Variants in ZNF138 observed in about 807,000 individuals in gnomAD.
ZNF138 encodes zinc finger protein 138.
ZNF138 carries 33 observed loss-of-function variants against 33.0 expected under a neutral mutation model. The ratio of observed to expected loss-of-function variants is 1.00; its 90% CI spans 0.76 to 1.34. ZNF138 has a LOEUF of 1.34. Among genes scored for constraint, ZNF138 ranks in the 40% most tolerant of loss-of-function variants. The probability of loss-of-function intolerance (pLI) is 0.00; values close to 1 mark genes in which losing one functional copy is unlikely to be tolerated. For synonymous variants in ZNF138, 139 were observed against 120.4 expected (o/e 1.15, Z -1.01); for missense variants, 360 against 370.8 (o/e 0.97, Z 0.24).
At chr7:64,809,315 A>AC (rs1306049663) in intron 1 of ZNF138, among the ~76,000 whole-genome samples, 1 of 1,962 alleles carries the variant, frequency 5.1e-4, no homozygotes, top group African/African-American at 1.1e-3. Context: ...CGGGGGGCTG[A>AC]CCCCCCCCCA....
the ZNF138 span, among the ~76,000 whole-genome samples, chr7:64,851,595 G>T: frequency 2.0e-5 from 3 of 151,966 alleles, no homozygotes; most frequent in Non-Finnish European, 4.4e-5. Context: ...AAAATTATTT[G>T]CGTAATTATA....
At chr7:64,819,905 A>AC (rs1261186294) in intron 3 of ZNF138, among the ~76,000 whole-genome samples, 2 of 149,658 alleles carry the variant, frequency 1.3e-5, no homozygotes, top group Non-Finnish European at 3.0e-5. Flanking sequence ...ATTCAACTAC[A>AC]AATTTTTTTT....
intron 1 of ZNF138, among the ~76,000 whole-genome samples, chr7:64,802,905 CTT>C (rs1562888115): frequency 6.6e-6 from 1 of 151,086 alleles, no homozygotes; most frequent in Non-Finnish European, 1.5e-5. Context: ...CTCGTTTTGT[CTT>C]GTCTTATGTT....
At chr7:64,802,658 T>C (rs1258564386) in intron 1 of ZNF138, among the ~76,000 whole-genome samples, 2 of 152,058 alleles carry the variant, frequency 1.3e-5, no homozygotes, top group Non-Finnish European at 2.9e-5. Context: ...AACAATTAGA[T>C]AGAAATTTGG....
At chr7:64,817,290 G>A (rs1458483315) in intron 3 of ZNF138, among the ~76,000 whole-genome samples, 1 of 152,212 alleles carries the variant, frequency 6.6e-6, no homozygotes, top group Non-Finnish European at 1.5e-5. Flanking sequence ...GGAAGAGCAG[G>A]ACCTCTCCCA....
rs1210861733 is a variant in ZNF138 at position 64,827,096 on chromosome 7, G to T, written c.209-4355G>T. ...TGGTGTCCATCATTTTTCAGCATAA[G>T]GGACTCATTTTAGCATTTTTTTTTT... is the stretch of plus-strand genomic sequence containing the variant. On this transcript the variant is annotated intron_variant, in intron 3 of 3. Transcript: ENST00000307355. Among the ~76,000 whole-genome samples the T allele has an allele frequency of 4.7e-5, 6 of 128,554 alleles. No individual in the cohort carries two copies. In the East Asian group the frequency reaches 1.5e-3, roughly 32 times the overall value. The allele number at this position is 128,554 out of a possible 152,430, so 84.3% of individuals were successfully genotyped here.
the ZNF138 span, among the ~76,000 whole-genome samples, chr7:64,843,340 A>G: frequency 5.3e-5 from 8 of 152,148 alleles, no homozygotes; most frequent in Non-Finnish European, 7.4e-5. Flanking sequence ...AAATTGCTGT[A>G]TTTGGTGGTT....
chr7:64,831,057 T>G, intron 3 of ZNF138: 1 of 1,551,692 alleles, frequency 6.4e-7, no homozygotes, highest in Non-Finnish European at 8.7e-7. Context: ...CAAAAGCACC[T>G]AGAAGCCAGA....
intron 1 of ZNF138, among the ~76,000 whole-genome samples, chr7:64,808,651 G>T (rs1286601592): frequency 6.7e-6 from 1 of 149,550 alleles, no homozygotes; most frequent in Non-Finnish European, 1.5e-5. Flanking sequence ...GGGGGATTTG[G>T]CAGGGTCATA....
the ZNF138 span, among the ~76,000 whole-genome samples, chr7:64,846,588 G>A: frequency 1.3e-5 from 2 of 152,186 alleles, no homozygotes; most frequent in East Asian, 3.8e-4. Flanking sequence ...ATATAGCAGA[G>A]CTACTGATTT....
At chr7:64,803,258 G>GTTTTTTTTTT (rs60101981) in intron 1 of ZNF138, among the ~76,000 whole-genome samples, 5 of 113,060 alleles carry the variant, frequency 4.4e-5, no homozygotes, top group East Asian at 2.7e-4. Context: ...TTTGGCAAAG[G>GTTTTTTTTTT]TTTTTTTTTT....
chr7:64,814,219 G>C, intron 1 of ZNF138: 1 of 834,562 alleles, frequency 1.2e-6, no homozygotes, highest in Non-Finnish European at 1.5e-6. Flanking sequence ...GCATTAACCA[G>C]ATCTCGAGTT....
chr7:64,825,169 TTTTTTTTTTTTTTTTTTTTTTG>T (rs934777923), intron 3 of ZNF138, among the ~76,000 whole-genome samples: 2 of 115,484 alleles, frequency 1.7e-5, no homozygotes, highest in African/African-American at 6.8e-5. Flanking sequence ...TTTTTTTTTT[TTTTTTTTTTTTTTTTTTTTTTG>T]AGACGGAGTC....
chr7:64,830,299 C>A (rs1444977843), intron 3 of ZNF138, among the ~76,000 whole-genome samples: 2 of 151,974 alleles, frequency 1.3e-5, no homozygotes, highest in African/African-American at 4.8e-5. Context: ...ATCATTTTAT[C>A]TTACAGTATT....
At chr7:64,802,989 C>G (rs756788359) in intron 1 of ZNF138, among the ~76,000 whole-genome samples, 42 of 151,894 alleles carry the variant, frequency 2.8e-4, no homozygotes, top group Non-Finnish European at 4.1e-4. Flanking sequence ...CCCCCTCTTA[C>G]ATAACAATTG....
chr7:64,810,465 G>T (rs927051179), intron 1 of ZNF138, among the ~76,000 whole-genome samples: 1 of 150,610 alleles, frequency 6.6e-6, no homozygotes, highest in African/African-American at 2.4e-5. Context: ...GGGGGAGGGG[G>T]AGAGGGAGAG....
the ZNF138 span, among the ~76,000 whole-genome samples, chr7:64,860,596 G>A: frequency 2.6e-5 from 4 of 151,952 alleles, no homozygotes; most frequent in Non-Finnish European, 5.9e-5. Flanking sequence ...TAAATAAATG[G>A]GCAGCACTTT....
intron 3 of ZNF138, among the ~76,000 whole-genome samples, chr7:64,821,764 C>T (rs911685620): frequency 3.3e-5 from 5 of 151,172 alleles, no homozygotes; most frequent in African/African-American, 9.8e-5. Context: ...CCAGGCTGGT[C>T]TCCAACTACT....
downstream of ZNF138, among the ~76,000 whole-genome samples, chr7:64,837,675 G>A (rs979821686): frequency 2.2e-4 from 33 of 152,188 alleles, no homozygotes; most frequent in South Asian, 1.0e-3. Context: ...AGAAGACTGC[G>A]GATGGTATGG....
Sources: allele counts gnomAD v4.1 joint callset (sites outside exome capture counted in the v4.1 genomes callset), GRCh38; gene constraint gnomAD v4.1.1; transcripts MANE v1.5; gene names NCBI Gene and HGNC (gene_info 2026-07-23, HGNC 2026-07-21).